Variants in ROBO1 observed in about 807,000 individuals in gnomAD.
ROBO1 encodes roundabout guidance receptor 1.
Under a neutral mutation model 195.9 loss-of-function variants are expected in ROBO1, and 149 were observed. The ratio of observed to expected loss-of-function variants is 0.76; its 90% CI spans 0.67 to 0.87. The LOEUF (loss-of-function observed/expected upper bound fraction) is 0.87. Ranked by LOEUF, ROBO1 falls within the 40% of genes least tolerant of loss-of-function variation. The pLI is 0.00. For synonymous variants in ROBO1, 816 were observed against 733.2 expected (o/e 1.11, Z -1.82); for missense variants, 1,933 against 2,068.3 (o/e 0.93, Z 1.27).
intron 4 of ROBO1, among the ~76,000 whole-genome samples, chr3:78,852,848 G>A (rs1000727261): frequency 1.3e-5 from 2 of 152,140 alleles, no homozygotes; most frequent in Non-Finnish European, 2.9e-5. Context: ...AAAGGCACCA[G>A]CTAAGAAAAG....
In ROBO1 at chr3:78,919,505, G is replaced by A. The variant is rs530646230; in HGVS notation, c.499+19096C>T. Among the ~76,000 whole-genome samples, 9 of 152,298 alleles carry A rather than the reference G, an allele frequency of 5.9e-5. No homozygotes were observed. The East Asian group carries it at 1.7e-3, about 29-fold the overall frequency. On this transcript the variant is annotated intron_variant, in intron 4 of 30. Coordinates refer to ENST00000464233, the MANE Select transcript of ROBO1 (RefSeq NM_002941.4). Reference sequence around the variant, plus strand: ...GAAATAGTATGTGCTAACACGGTAAGCCAATTGAAGCTTTACTGCTTCCCA... The same window carrying A: ...GAAATAGTATGTGCTAACACGGTAAACCAATTGAAGCTTTACTGCTTCCCA...
At chr3:79,191,036 A>G (rs1306871033) in intron 2 of ROBO1, among the ~76,000 whole-genome samples, 2 of 151,682 alleles carry the variant, frequency 1.3e-5, no homozygotes, top group African/African-American at 4.8e-5. Flanking sequence ...TAAAGAAGAC[A>G]TGAGGAAACT....
intron 2 of ROBO1, among the ~76,000 whole-genome samples, chr3:79,329,615 C>A (rs1215134577): frequency 6.6e-6 from 1 of 152,098 alleles, no homozygotes; most frequent in East Asian, 1.9e-4. Context: ...AATTGTAAAG[C>A]ACTATCAAAG....
At chr3:79,304,950 A>C (rs2033149493) in intron 2 of ROBO1, among the ~76,000 whole-genome samples, 1 of 152,204 alleles carries the variant, frequency 6.6e-6, no homozygotes, top group African/African-American at 2.4e-5. Flanking sequence ...ACTGTTTTCC[A>C]AAAAGTTCCA....
chr3:78,908,172 T>C (rs2038039871), intron 4 of ROBO1, among the ~76,000 whole-genome samples: 2 of 151,794 alleles, frequency 1.3e-5, no homozygotes, highest in Non-Finnish European at 2.9e-5. Flanking sequence ...AACAAAAAAA[T>C]CTATTTATAT....
intron 1 of ROBO1, among the ~76,000 whole-genome samples, chr3:79,667,575 CT>C (rs1325824735): frequency 6.6e-6 from 1 of 151,668 alleles, no homozygotes; most frequent in African/African-American, 2.4e-5. Context: ...GACATGGGAA[CT>C]TTTAAATTTT....
chr3:78,853,844 G>A (rs1469159450), intron 4 of ROBO1, among the ~76,000 whole-genome samples: 3 of 152,086 alleles, frequency 2.0e-5, no homozygotes, highest in Admixed American at 2.0e-4. Context: ...GCAGGTAAGA[G>A]AGAATGAGAA....
At chr3:79,097,329 T>C (rs769938107) in intron 3 of ROBO1, among the ~76,000 whole-genome samples, 1 of 151,882 alleles carries the variant, frequency 6.6e-6, no homozygotes. Context: ...CTACATTCTT[T>C]ATGAATTTTT....
chr3:78,939,765 TTAA>T (rs1387179190), intron 3 of ROBO1, among the ~76,000 whole-genome samples: 1 of 150,996 alleles, frequency 6.6e-6, no homozygotes, highest in Non-Finnish European at 1.5e-5. Flanking sequence ...TATTAATAAA[TTAA>T]TTTTATTAAT....
chr3:79,714,997 A>G (rs910591709), intron 1 of ROBO1, among the ~76,000 whole-genome samples: 2 of 151,700 alleles, frequency 1.3e-5, no homozygotes, highest in Non-Finnish European at 3.0e-5. Context: ...TTAAAGTATA[A>G]TAATAATAAA....
chr3:79,122,771 G>A (rs2080143422), intron 3 of ROBO1, among the ~76,000 whole-genome samples: 1 of 151,796 alleles, frequency 6.6e-6, no homozygotes. Context: ...AATGTAAATG[G>A]GAATTTTAGT....
chr3:78,616,390 T>C (rs1380202966), intron 27 of ROBO1, among the ~76,000 whole-genome samples: 2 of 152,156 alleles, frequency 1.3e-5, no homozygotes, highest in East Asian at 1.9e-4. Flanking sequence ...CCATATTTGA[T>C]TGAATGACAT....
At chr3:78,721,669 CAT>C (rs1184275618) in intron 5 of ROBO1, among the ~76,000 whole-genome samples, 2 of 152,110 alleles carry the variant, frequency 1.3e-5, no homozygotes, top group Admixed American at 6.5e-5. Context: ...AATTTTAAGA[CAT>C]ATTCAAATAC....
At chr3:79,055,544 G>T (rs1166935570) in intron 3 of ROBO1, among the ~76,000 whole-genome samples, 1 of 151,978 alleles carries the variant, frequency 6.6e-6, no homozygotes, top group Admixed American at 6.6e-5. Context: ...GGCCCTGATG[G>T]TCAAAAAGGT....
chr3:78,757,840 G>A (rs1404545319), intron 4 of ROBO1, among the ~76,000 whole-genome samples: 1 of 152,210 alleles, frequency 6.6e-6, no homozygotes, highest in Non-Finnish European at 1.5e-5. Context: ...ATTGGTGACA[G>A]TCTGCCCTAA....
intron 3 of ROBO1, among the ~76,000 whole-genome samples, chr3:79,021,853 G>A (rs2078110096): frequency 6.6e-6 from 1 of 151,984 alleles, no homozygotes. Context: ...GTAGAGACGG[G>A]GTTTCACCGT....
At chr3:78,913,370 G>A (rs1324430553) in intron 4 of ROBO1, among the ~76,000 whole-genome samples, 1 of 151,946 alleles carries the variant, frequency 6.6e-6, no homozygotes, top group African/African-American at 2.4e-5. Flanking sequence ...AGCAAGGGAC[G>A]TAACAAGAGA....
At chr3:78,683,791 TA>T (rs1025133055) in intron 10 of ROBO1, among the ~76,000 whole-genome samples, 2 of 151,420 alleles carry the variant, frequency 1.3e-5, no homozygotes, top group Non-Finnish European at 1.5e-5. Context: ...TCAAGGTAGA[TA>T]AAAAAAATTT....
At chr3:78,749,125 C>A (rs1377542953) in intron 4 of ROBO1, among the ~76,000 whole-genome samples, 1 of 152,028 alleles carries the variant, frequency 6.6e-6, no homozygotes, top group East Asian at 1.9e-4. Flanking sequence ...GCAGTATGTG[C>A]CTTTGCTGGA....
Sources: allele counts gnomAD v4.1 joint callset (sites outside exome capture counted in the v4.1 genomes callset), GRCh38; gene constraint gnomAD v4.1.1; transcripts MANE v1.5; gene names NCBI Gene and HGNC (gene_info 2026-07-23, HGNC 2026-07-21).